The following NCEH1 variants were observed in gnomAD, a reference collection of about 807,000 sequenced individuals.
The protein encoded by NCEH1 is 2-acetyl MAGE hydrolase.
A neutral mutation model predicts 25.4 loss-of-function variants in NCEH1; 9 were observed. The observed-to-expected ratio is 0.35, with a 90% confidence interval of 0.21 to 0.62. The LOEUF (loss-of-function observed/expected upper bound fraction) is 0.62. NCEH1 is among the 20% of genes least tolerant of loss of function. The probability of loss-of-function intolerance (pLI) is 0.72; values close to 1 mark genes in which losing one functional copy is unlikely to be tolerated. For synonymous variants in NCEH1, 200 were observed against 199.8 expected, an observed-to-expected ratio of 1.00 and a Z score of -0.01; for missense variants, 412 against 501.1, an observed-to-expected ratio of 0.82 and a Z score of 1.70.
intron 1 of NCEH1, among the ~76,000 whole-genome samples, chr3:172,688,574 G>T (rs1712838447): frequency 6.6e-6 from 1 of 152,122 alleles, no homozygotes. Flanking sequence ...GTTGGAGTTA[G>T]AAGATTAAAG....
At chr3:172,650,958 A>T (rs560481507) in intron 1 of NCEH1, among the ~76,000 whole-genome samples, 2,197 of 151,798 alleles carry the variant, frequency 0.014, 49 homozygotes, top group African/African-American at 0.051. Flanking sequence ...TGTATTGATA[A>T]ATTAGAGTTA....
chr3:172,690,183 G>A (rs1231866465), intron 1 of NCEH1, among the ~76,000 whole-genome samples: 2 of 152,096 alleles, frequency 1.3e-5, no homozygotes, highest in South Asian at 2.1e-4. Flanking sequence ...GATTACAAGC[G>A]TGAGCCACCG....
chr3:172,645,790 T>C (rs1025290505), intron 2 of NCEH1, 98 bp from the exon 3 acceptor site: 8 of 639,844 alleles, frequency 1.3e-5, no homozygotes, highest in Middle Eastern at 2.7e-4. Context: ...GGCTTGGAGC[T>C]AATACTAAAA....
At chr3:172,655,643 T>C (rs1268896081) in intron 1 of NCEH1, among the ~76,000 whole-genome samples, 1 of 152,204 alleles carries the variant, frequency 6.6e-6, no homozygotes, top group Non-Finnish European at 1.5e-5. Flanking sequence ...AAAGTCCGCT[T>C]TCCTATTCTC....
At position 172,667,289 on chromosome 3, in the gene NCEH1, G is replaced by A. The variant is rs183763455; in HGVS notation, c.139-19175C>T. On this transcript the variant is annotated intron_variant, in intron 1 of 4. Transcript: ENST00000475381. ...TAATTAGTAAGGGGATTTTAAGTAC[G>A]GAAGTTAACCAGAACCATTTTTCTA... 4.0e-3 allele frequency among the ~76,000 whole-genome samples: 611 copies of A among 152,300 alleles called. 3 individuals carry two copies. The highest frequency in any genetic ancestry group is 7.2e-3 in the Non-Finnish European group (491 of 68,016).
rs1416396058 is a variant in NCEH1 at position 172,685,536 on chromosome 3, AC to A, written c.138+25310del. On this transcript the variant is annotated intron_variant, in intron 1 of 4. Transcript: ENST00000475381. ...AGAGATGAGTGACAAGCTCTGAGTC[AC>A]CCAGTTACAGACACGTTCAGACAAG... 1.2e-4 allele frequency among the ~76,000 whole-genome samples: 18 copies of A among 152,348 alleles called. 1 individual carries two copies. In the South Asian group the frequency reaches 2.5e-3, roughly 21 times the overall value.
chr3:172,663,707 A>G (rs905646545), intron 1 of NCEH1, among the ~76,000 whole-genome samples: 7 of 152,238 alleles, frequency 4.6e-5, no homozygotes, highest in African/African-American at 1.7e-4. Context: ...TCCCTTTACC[A>G]TTATGTAATG....
At chr3:172,638,572 T>G (rs561670456) in intron 3 of NCEH1, among the ~76,000 whole-genome samples, 3 of 151,734 alleles carry the variant, frequency 2.0e-5, no homozygotes, top group Non-Finnish European at 4.4e-5. Flanking sequence ...ATTTTTAATC[T>G]TCAGTATTAC....
At chr3:172,681,795 T>A (rs1218512130) in intron 1 of NCEH1, among the ~76,000 whole-genome samples, 1 of 149,436 alleles carries the variant, frequency 6.7e-6, no homozygotes, top group African/African-American at 2.5e-5. Context: ...TAATCCCAGC[T>A]ACTCAGGATG....
intron 2 of NCEH1, 32 bp downstream of exon 2, chr3:172,647,854 C>T: frequency 6.2e-7 from 1 of 1,612,942 alleles, no homozygotes; most frequent in East Asian, 2.2e-5. Flanking sequence ...CCAACCACAA[C>T]AACAAACCAT....
chr3:172,686,874 A>C (rs144837420), intron 1 of NCEH1, among the ~76,000 whole-genome samples: 56 of 152,330 alleles, frequency 3.7e-4, no homozygotes, highest in African/African-American at 1.3e-3. Context: ...CCAGGAATCA[A>C]GGTCTCTTCC....
At chr3:172,661,568 G>A (rs1341337610) in intron 1 of NCEH1, among the ~76,000 whole-genome samples, 1 of 152,090 alleles carries the variant, frequency 6.6e-6, no homozygotes, top group East Asian at 1.9e-4. Context: ...TGGGCAGTAT[G>A]GCCATTTTCA....
At chr3:172,659,010 T>C (rs1050679795) in intron 1 of NCEH1, among the ~76,000 whole-genome samples, 8 of 152,032 alleles carry the variant, frequency 5.3e-5, no homozygotes, top group African/African-American at 1.2e-4. Flanking sequence ...ACTGTTCTCA[T>C]TGTCAAGGAA....
At chr3:172,663,966 C>G (rs1718086497) in intron 1 of NCEH1, among the ~76,000 whole-genome samples, 1 of 152,112 alleles carries the variant, frequency 6.6e-6, no homozygotes, top group Non-Finnish European at 1.5e-5. Context: ...ACATTTAAGG[C>G]TAATATTCTT....
chr3:172,693,458 T>C (rs1185118735), intron 1 of NCEH1, among the ~76,000 whole-genome samples: 6 of 129,314 alleles, frequency 4.6e-5, no homozygotes, highest in African/African-American at 1.9e-4. Flanking sequence ...AGCCTGAATA[T>C]GAAAAAAAAA....
intron 1 of NCEH1, among the ~76,000 whole-genome samples, chr3:172,670,646 T>C (rs949447118): frequency 6.6e-6 from 1 of 152,190 alleles, no homozygotes; most frequent in Admixed American, 6.5e-5. Flanking sequence ...ATCCTCCCCA[T>C]ATATTGGCAG....
intron 1 of NCEH1, among the ~76,000 whole-genome samples, chr3:172,701,616 G>GTTTTTTTTTTTTT (rs60219751): frequency 5.4e-5 from 6 of 110,732 alleles, no homozygotes; most frequent in East Asian, 2.7e-4. Flanking sequence ...TGCCCAGCTA[G>GTTTTTTTTTTTTT]TTTTTTTTTT....
At chr3:172,644,462 C>T (rs1302522369) in intron 3 of NCEH1, among the ~76,000 whole-genome samples, 3 of 152,174 alleles carry the variant, frequency 2.0e-5, no homozygotes, top group African/African-American at 4.8e-5. Context: ...AAGTGGTTGG[C>T]GTCATGGCCC....
chr3:172,666,610 G>T (rs1327613171), intron 1 of NCEH1, among the ~76,000 whole-genome samples: 1 of 152,088 alleles, frequency 6.6e-6, no homozygotes, highest in Non-Finnish European at 1.5e-5. Context: ...CGAGACCAAG[G>T]ACCCTGGTGT....
Sources: gnomAD v4.1 joint callset for allele counts (sites outside exome capture counted in the v4.1 genomes callset) on GRCh38, gnomAD v4.1.1 for gene constraint, MANE v1.5 for transcripts, NCBI Gene and HGNC (gene_info 2026-07-23, HGNC 2026-07-21) for gene names.